Variants in CKS2 observed in about 807,000 individuals in gnomAD.
CKS2 encodes CDC28 protein kinase regulatory subunit 2.
A neutral mutation model predicts 14.3 loss-of-function variants in CKS2; 4 were observed. The observed-to-expected ratio is 0.28, with a 90% confidence interval of 0.14 to 0.64. The LOEUF (loss-of-function observed/expected upper bound fraction) is 0.64. Ranked by LOEUF, CKS2 falls within the 30% of genes least tolerant of loss-of-function variation. CKS2 has a pLI of 0.83. For synonymous variants in CKS2, 33 were observed against 28.7 expected, an observed-to-expected ratio of 1.15 and a Z score of -0.48; for missense variants, 71 against 94.3, an observed-to-expected ratio of 0.75 and a Z score of 1.02.
chr9:89,315,501 A>G (rs981465568), intron 2 of CKS2, among the ~76,000 whole-genome samples: 158 of 150,332 alleles, frequency 1.1e-3, no homozygotes, highest in African/African-American at 3.7e-3. Flanking sequence ...TGAAAGTAAC[A>G]CATTATTCTA....
chr9:89,311,521 A>G (rs1277314824), intron 1 of CKS2, among the ~76,000 whole-genome samples, 170 bp downstream of exon 1: 1 of 152,186 alleles, frequency 6.6e-6, no homozygotes, highest in Non-Finnish European at 1.5e-5. Context: ...CGCCCCGCGC[A>G]GTCGGACATG....
intron 1 of CKS2, among the ~76,000 whole-genome samples, chr9:89,311,612 G>A (rs1324696256): frequency 2.6e-5 from 4 of 152,232 alleles, no homozygotes; most frequent in Non-Finnish European, 5.9e-5. Flanking sequence ...CCACCGGGCC[G>A]CATTTAGTAC....
chr9:89,311,833 G>A (rs1824615815), intron 1 of CKS2, among the ~76,000 whole-genome samples: 1 of 152,172 alleles, frequency 6.6e-6, no homozygotes, highest in African/African-American at 2.4e-5. Context: ...TCGCTGACGG[G>A]GTGATGCAGC....
At chr9:89,311,438 G>T in intron 1 of CKS2, 87 bp downstream of exon 1, 1 of 1,005,676 alleles carries the variant, frequency 9.9e-7, no homozygotes, top group South Asian at 1.7e-5. Flanking sequence ...GGTCGGGGGT[G>T]GGGGCCGGGG....
chr9:89,315,335 GA>G, intron 2 of CKS2, 38 bp downstream of exon 2: 1 of 1,465,646 alleles, frequency 6.8e-7, no homozygotes, highest in Non-Finnish European at 9.1e-7. Flanking sequence ...AGTAATTGTT[GA>G]AATATTGGTG....
chr9:89,311,448 G>C, intron 1 of CKS2, 97 bp downstream of exon 1: 6 of 777,512 alleles, frequency 7.7e-6, no homozygotes, highest in East Asian at 3.6e-5. Flanking sequence ...GGGGGCCGGG[G>C]CCTGGGGGGC....
intron 1 of CKS2, among the ~76,000 whole-genome samples, chr9:89,312,038 G>T (rs762472279): frequency 6.6e-6 from 1 of 152,012 alleles, no homozygotes; most frequent in Non-Finnish European, 1.5e-5. Flanking sequence ...TAGGTTAGCC[G>T]CAGTCATACA....
chr9:89,314,281 TTG>T (rs1824669741), intron 1 of CKS2, among the ~76,000 whole-genome samples: 1 of 152,202 alleles, frequency 6.6e-6, no homozygotes, highest in Non-Finnish European at 1.5e-5. Context: ...AGGCAAATCT[TTG>T]ATAGAATGCT....
intron 1 of CKS2, 34 bp downstream of exon 1, chr9:89,311,385 C>G (rs11137560): frequency 6.3e-7 from 1 of 1,578,040 alleles, no homozygotes; most frequent in East Asian, 2.5e-5. Context: ...AGCCGGCTCC[C>G]TCAGCCGGGG....
intron 1 of CKS2, 37 bp downstream of exon 1, chr9:89,311,388 A>G (rs1824603342): frequency 7.1e-7 from 1 of 1,399,782 alleles, no homozygotes; most frequent in Non-Finnish European, 9.5e-7. Context: ...CGGCTCCCTC[A>G]GCCGGGGCCC....
At chr9:89,315,046 T>A (rs1488804516) in intron 1 of CKS2, 124 bp from the exon 2 acceptor site, 4 of 709,248 alleles carry the variant, frequency 5.6e-6, no homozygotes, top group East Asian at 3.1e-5. Flanking sequence ...GGCCATCATA[T>A]CAGAATTAAA....
chr9:89,312,830 A>C (rs1824644440), intron 1 of CKS2, among the ~76,000 whole-genome samples: 1 of 152,318 alleles, frequency 6.6e-6, no homozygotes, highest in African/African-American at 2.4e-5. Context: ...TCTTACTAAA[A>C]CCTAGAAAAT....
intron 2 of CKS2, among the ~76,000 whole-genome samples, chr9:89,315,623 G>A (rs1824696467): frequency 6.6e-6 from 1 of 151,552 alleles, no homozygotes; most frequent in African/African-American, 2.4e-5. Flanking sequence ...CCTAAGACAA[G>A]TGTTCTTATC....
rs1824668088 is a variant in CKS2, at chr9:89,314,166, C to G, written c.60-1004C>G. Reference sequence around the variant, plus strand: ...ATGGTTCAGTATAAAACTGTTGCTACTACTGCAGGTGGTAAACATGGAGCT... The same window carrying G: ...ATGGTTCAGTATAAAACTGTTGCTAGTACTGCAGGTGGTAAACATGGAGCT... On this transcript the variant is annotated intron_variant, in intron 1 of 2. Coordinates refer to ENST00000314355, the MANE Select transcript of CKS2 (RefSeq NM_001827.3). Among the ~76,000 whole-genome samples, 6 of 152,216 alleles carry G rather than the reference C, an allele frequency of 3.9e-5. 1 individual carries two copies. The highest frequency in any genetic ancestry group is 3.9e-4 in the Admixed American group (6 of 15,288).
At position 89,315,274 on chromosome 9, in the gene CKS2, T is replaced by G. The variant is rs753073104; in HGVS notation, c.164T>G (p.Val55Gly). 1 of 1,606,098 alleles carries G rather than the reference T, an allele frequency of 6.2e-7. No homozygotes were observed. The highest frequency in any genetic ancestry group is 8.5e-7 in the Non-Finnish European group (1 of 1,175,560). ...RLGVQQSLGW[V>G]HYMIHEPEPH... The stretch of plus-strand genomic sequence containing the variant: ...GGTGTCCAACAGAGTCTAGGCTGGG[T>G]TCATTACATGATTCATGAGCCAGGT... The change falls in exon 2 of 3, where the codon GTT becomes GGT. Residue 55 changes from valine to glycine, a missense_variant. By Grantham distance (109) the Val-to-Gly change is moderately radical. Coordinates refer to ENST00000314355, the MANE Select transcript of CKS2 (RefSeq NM_001827.3).
chr9:89,311,536 G>A (rs1824608485), intron 1 of CKS2, among the ~76,000 whole-genome samples, 185 bp downstream of exon 1: 1 of 152,222 alleles, frequency 6.6e-6, no homozygotes, highest in Non-Finnish European at 1.5e-5. Flanking sequence ...GACATGGTTG[G>A]GTGCCTGGCC....
chr9:89,314,257 G>C (rs1824669333), intron 1 of CKS2, among the ~76,000 whole-genome samples: 1 of 152,128 alleles, frequency 6.6e-6, no homozygotes, highest in Non-Finnish European at 1.5e-5. Context: ...TCAATTTGGG[G>C]AAAGAGATTT....
chr9:89,314,844 C>T (rs897783152), intron 1 of CKS2, among the ~76,000 whole-genome samples: 1 of 152,194 alleles, frequency 6.6e-6, no homozygotes, highest in African/African-American at 2.4e-5. Context: ...ATAAGTTACA[C>T]ATTTTCTTAT....
intron 1 of CKS2, among the ~76,000 whole-genome samples, chr9:89,314,776 CAACAAGA>C (rs1389735052): frequency 6.6e-6 from 1 of 152,120 alleles, no homozygotes; most frequent in African/African-American, 2.4e-5. Context: ...AATGTGCATT[CAACAAGA>C]AGGAGAAAAA....
Sources: gnomAD v4.1 joint callset for allele counts (sites outside exome capture counted in the v4.1 genomes callset) on GRCh38, gnomAD v4.1.1 for gene constraint, MANE v1.5 for transcripts, NCBI Gene and HGNC (gene_info 2026-07-23, HGNC 2026-07-21) for gene names.